SCARA3: variants seen among roughly 807,000 people sequenced by gnomAD.
SCARA3 encodes the protein scavenger receptor class A member 3.
A neutral mutation model predicts 47.0 loss-of-function variants in SCARA3; 39 were observed. That is an observed-to-expected ratio of 0.83 (90% CI 0.64 to 1.08). SCARA3 has a LOEUF of 1.08. Among genes scored for constraint, SCARA3 ranks in the 50% least tolerant of loss-of-function variants. The probability of loss-of-function intolerance (pLI) is 0.00; values close to 1 mark genes in which losing one functional copy is unlikely to be tolerated. For missense variants in SCARA3, 724 were observed against 792.3 expected (o/e 0.91, Z 1.04); for synonymous variants, 356 against 334.1 (o/e 1.07, Z -0.71).
At chr8:27,670,781 G>A in intron 5 of SCARA3, 119 bp from the exon 6 acceptor site, 1 of 755,790 alleles carries the variant, frequency 1.3e-6, no homozygotes, top group Non-Finnish European at 2.1e-6. Context: ...AGTGAGAAAT[G>A]AGTGTCCGCT....
chr8:27,638,146 G>T lies in SCARA3; in HGVS notation c.7+3939G>T, dbSNP rs35688730. 6.6e-5 allele frequency among the ~76,000 whole-genome samples: 10 copies of T among 152,258 alleles called. No homozygotes were observed. The South Asian group carries it at 2.1e-3, about 32-fold the overall frequency. ...TCAGGTCCCAAGGCTCATCGAGAGC[G>T]AGGAAAAAGCCTTCTGTTTCTCAGT... is the stretch of plus-strand genomic sequence containing the variant. On this transcript the variant is annotated intron_variant, in intron 1 of 5. Transcript: ENST00000301904.
In SCARA3 at chr8:27,649,752, CTG is replaced by C. The variant is rs766133721; in HGVS notation, c.59_60del (p.Leu20ArgfsTer3). ...TGCCTTGTGCGTTACAGAAGAGGAC[CTG>C]GCGGGTGACGACGAGGACATGCCGA... is the stretch of plus-strand genomic sequence containing the variant. Reference protein sequence around the residue: ...GDALCVTEEDLAGDDEDMPTF... With the variant: ...GDALCVTEEDXAGDDEDMPTF... On this transcript the variant is annotated frameshift_variant, in exon 2 of 6. Transcript: ENST00000301904. LOFTEE classifies it high-confidence loss of function. 1 of 1,614,198 alleles carries C rather than the reference CTG, an allele frequency of 6.2e-7. No homozygotes were observed. Among genetic ancestry groups the C allele is most frequent in the Non-Finnish European group, 8.5e-7 (1 of 1,180,028 alleles).
the SCARA3 span, among the ~76,000 whole-genome samples, chr8:27,721,331 C>T: frequency 6.6e-6 from 1 of 152,082 alleles, no homozygotes; most frequent in Non-Finnish European, 1.5e-5. Context: ...TATTGAGTAC[C>T]TACTATGAAC....
At chr8:27,675,516 G>T (rs1802261247), downstream of SCARA3, among the ~76,000 whole-genome samples, 1 of 152,166 alleles carries the variant, frequency 6.6e-6, no homozygotes, top group African/African-American at 2.4e-5. Flanking sequence ...GTGGCAGGCG[G>T]TATACACAGG....
chr8:27,634,164 G>C lies in SCARA3; in HGVS notation c.-37G>C. 6.9e-7 allele frequency: 1 copy of C among 1,449,522 alleles called. No homozygotes were observed. The highest frequency in any genetic ancestry group is 9.0e-7 in the Non-Finnish European group (1 of 1,105,358). The allele number at this position is 1,449,522 out of a possible 1,614,324, so 89.8% of individuals were successfully genotyped here. ...GGCTCCACTACAGCTCCAGCCGCCTGCAGCGGGGCCCTCCTGAGGCCCCAG... is the reference window on the plus strand; with the variant it reads ...GGCTCCACTACAGCTCCAGCCGCCTCCAGCGGGGCCCTCCTGAGGCCCCAG... On this transcript the variant is annotated 5_prime_UTR_variant, in exon 1 of 6. Coordinates refer to ENST00000301904, the MANE Select transcript of SCARA3 (RefSeq NM_016240.3).
chr8:27,669,770 G>A (rs1802103385), intron 5 of SCARA3, among the ~76,000 whole-genome samples: 1 of 152,238 alleles, frequency 6.6e-6, no homozygotes, highest in African/African-American at 2.4e-5. Flanking sequence ...CATAATAAAG[G>A]ATGTATTCAC....
At chr8:27,655,012 G>C (rs1288646144) in intron 3 of SCARA3, among the ~76,000 whole-genome samples, 1 of 152,154 alleles carries the variant, frequency 6.6e-6, no homozygotes, top group Non-Finnish European at 1.5e-5. Flanking sequence ...ACTGTACAGT[G>C]CTTGTCTCAT....
chr8:27,659,372 A>C lies in SCARA3; in HGVS notation c.1202A>C (p.Lys401Thr), dbSNP rs929363001. The change falls in exon 5 of 6, where the codon AAG (lysine) becomes ACG (threonine). Residue 401 changes from lysine to threonine, a missense_variant. By Grantham distance (78) the Lys-to-Thr change is moderately conservative. Coordinates refer to ENST00000301904, the MANE Select transcript of SCARA3 (RefSeq NM_016240.3). ...GCCGAGGAGCTCTACTACCTGAACAAGTCTGTCTCCATCATGCTGGGCACC... is the reference window on the plus strand; with the variant it reads ...GCCGAGGAGCTCTACTACCTGAACACGTCTGTCTCCATCATGCTGGGCACC... The part of the protein sequence containing the change: ...THAEELYYLN[K>T]SVSIMLGTTD... The C allele has an allele frequency of 1.2e-6, 2 of 1,614,068 alleles. No homozygotes were observed. Among genetic ancestry groups the C allele is most frequent in the Non-Finnish European group, 1.7e-6 (2 of 1,179,986 alleles).
chr8:27,719,714 A>C, the SCARA3 span, among the ~76,000 whole-genome samples: 1 of 152,128 alleles, frequency 6.6e-6, no homozygotes, highest in Admixed American at 6.6e-5. Flanking sequence ...ACATCCTATT[A>C]TTTATTCCCC....
In SCARA3 at chr8:27,654,513, C is replaced by A. The variant is rs115166231; in HGVS notation, c.227-2269C>A. Among the ~76,000 whole-genome samples, 1,419 of 152,140 alleles carry A rather than the reference C, an allele frequency of 9.3e-3. 21 individuals carry two copies. The highest frequency in any genetic ancestry group is 0.032 in the African/African-American group (1,336 of 41,498). On this transcript the variant is annotated intron_variant, in intron 3 of 5. Transcript: ENST00000301904. ...GTGGCTCATGTCTGTAACCCCAACA[C>A]CTTGGGAGGCCAAGGTGGAAGGATC...
the SCARA3 span, among the ~76,000 whole-genome samples, chr8:27,689,996 G>T: frequency 7.2e-5 from 11 of 151,958 alleles, no homozygotes; most frequent in African/African-American, 2.4e-4. Flanking sequence ...TTTTTTAAAC[G>T]ACTTACTTCT....
the SCARA3 span, among the ~76,000 whole-genome samples, chr8:27,709,077 G>T: frequency 6.6e-6 from 1 of 152,170 alleles, no homozygotes; most frequent in Non-Finnish European, 1.5e-5. Flanking sequence ...CTCGAGAAAT[G>T]TTGACTTTCC....
Position 27,671,182 on chromosome 8 carries a change from C to T in SCARA3, c.1652C>T (p.Pro551Leu), listed in dbSNP as rs765322377. 129 of 1,516,632 alleles carry T rather than the reference C, an allele frequency of 8.5e-5. No individual in the cohort carries two copies. Among genetic ancestry groups the T allele is most frequent in the Admixed American group, 1.2e-4 (5 of 40,168 alleles). 93.9% of individuals were successfully genotyped at this position (1,516,632 alleles called of 1,614,324 possible). ...GDIGPPGPEGPPGSPGPSGPQ... is the reference protein window; with the variant it reads ...GDIGPPGPEGLPGSPGPSGPQ... ...ATAGGGCCCCCAGGGCCAGAAGGGC[C>T]CCCGGGGTCTCCAGGGCCCTCAGGG... Residue 551 changes from proline to leucine, a missense_variant, in exon 6 of 6, where the codon CCC becomes CTC. Pro to Leu is a moderately conservative substitution (Grantham distance 98). Coordinates refer to ENST00000301904, the MANE Select transcript of SCARA3 (RefSeq NM_016240.3).
At chr8:27,667,009 G>A (rs1487582633) in intron 5 of SCARA3, among the ~76,000 whole-genome samples, 7 of 152,210 alleles carry the variant, frequency 4.6e-5, no homozygotes, top group African/African-American at 1.2e-4. Context: ...CACGCACCTC[G>A]GCCACTGTTG....
At chr8:27,644,813 ATTTC>A (rs1312963640) in intron 1 of SCARA3, among the ~76,000 whole-genome samples, 2 of 152,130 alleles carry the variant, frequency 1.3e-5, no homozygotes, top group African/African-American at 4.8e-5. Flanking sequence ...AGAGTCCTAC[ATTTC>A]TTTATACATG....
intron 3 of SCARA3, among the ~76,000 whole-genome samples, chr8:27,656,344 G>A (rs1483219283): frequency 1.3e-5 from 2 of 152,118 alleles, no homozygotes; most frequent in Non-Finnish European, 2.9e-5. Flanking sequence ...GAGGTTTCAG[G>A]CATCCACTGG....
chr8:27,710,438 C>T, the SCARA3 span, among the ~76,000 whole-genome samples: 2 of 152,270 alleles, frequency 1.3e-5, no homozygotes, highest in South Asian at 2.1e-4. Context: ...GTAACCCTCA[C>T]AACCACTCCT....
chr8:27,700,080 A>T, the SCARA3 span, among the ~76,000 whole-genome samples: 1 of 152,208 alleles, frequency 6.6e-6, no homozygotes, highest in Non-Finnish European at 1.5e-5. Context: ...TTCTTAAAAA[A>T]TACATAAGAT....
chr8:27,716,912 C>A, the SCARA3 span, among the ~76,000 whole-genome samples: 17 of 152,248 alleles, frequency 1.1e-4, no homozygotes, highest in Admixed American at 5.2e-4. Context: ...CCTCGTAGGG[C>A]ATGGTAAGAA....
Sources: gnomAD v4.1 joint callset for allele counts (sites outside exome capture counted in the v4.1 genomes callset) on GRCh38, gnomAD v4.1.1 for gene constraint, MANE v1.5 for transcripts, NCBI Gene and HGNC (gene_info 2026-07-23, HGNC 2026-07-21) for gene names.